Variants in SLC26A6 observed in about 807,000 individuals in gnomAD.
SLC26A6 encodes the protein anion exchange transporter.
Under a neutral mutation model 87.1 loss-of-function variants are expected in SLC26A6, and 67 were observed. That is an observed-to-expected ratio of 0.77 (90% CI 0.63 to 0.94). SLC26A6 has a LOEUF of 0.94. Ranked by LOEUF, SLC26A6 falls within the 40% of genes least tolerant of loss-of-function variation. SLC26A6 has a pLI of 0.00. For missense variants in SLC26A6, 902 were observed against 973.0 expected (o/e 0.93, Z 0.97); for synonymous variants, 414 against 405.9 (o/e 1.02, Z -0.24).
Position 48,626,849 on chromosome 3 carries a change from G to A in SLC26A6, c.2073+27C>T, listed in dbSNP as rs1176109798. ...TTACAGGGTCAGTGTGGAAGCTCGA[G>A]GGGCCTTGGCCTGCCCCCGTCCTTA... On this transcript the variant is annotated intron_variant, in intron 18 of 20. Transcript: ENST00000395550. 3.1e-6 allele frequency: 5 copies of A among 1,608,558 alleles called. No homozygotes were observed. The African/African-American group carries it at 5.4e-5, about 17-fold the overall frequency.
At position 48,626,953 on chromosome 3, in the gene SLC26A6, G is replaced by C; in HGVS notation, c.1996C>G (p.Pro666Ala). Reference sequence around the variant, plus strand: ...TCCAGGATGAGGCTGTGGAAGTCTGGCTGAGGCAGGCCCAGGGCCTTCAGT... The same window carrying C: ...TCCAGGATGAGGCTGTGGAAGTCTGCCTGAGGCAGGCCCAGGGCCTTCAGT... ...STLKALGLPQ[P>A]DFHSLILDLG... is the part of the protein sequence containing the mutation. Residue 666 changes from proline (P) to alanine (A), a missense_variant, in exon 18 of 21, where the codon CCA becomes GCA. Transcript: ENST00000395550. 6.2e-7 allele frequency: 1 copy of C among 1,614,204 alleles called. No individual in the cohort carries two copies. The highest frequency in any genetic ancestry group is 8.5e-7 in the Non-Finnish European group (1 of 1,180,036).
At chr3:48,629,035 A>G (rs568415438) in intron 14 of SLC26A6, among the ~76,000 whole-genome samples, 1 of 152,218 alleles carries the variant, frequency 6.6e-6, no homozygotes, top group East Asian at 1.9e-4. Context: ...CTAGGCTGTC[A>G]TATCAATCAG....
At chr3:48,626,153 G>A (rs2046614357) in intron 20 of SLC26A6, 65 bp downstream of exon 20, 1 of 1,612,170 alleles carries the variant, frequency 6.2e-7, no homozygotes, top group Non-Finnish European at 8.5e-7. Flanking sequence ...CCTGGAGCTG[G>A]GGCCAGGGTG....
At position 48,632,442 on chromosome 3, in the gene SLC26A6, C is replaced by G. The variant is rs1037083555; in HGVS notation, c.434-46G>C. ...AGGTCTGAAGAGGAGAGGACACTGC[C>G]CTGCCCTGGAGCCCTGGTCTTAAGA... On this transcript the variant is annotated intron_variant, in intron 4 of 20. Coordinates refer to ENST00000395550, the MANE Select transcript of SLC26A6 (RefSeq NM_022911.3). 14 of 1,583,096 alleles carry G rather than the reference C, an allele frequency of 8.8e-6. No individual in the cohort carries two copies. In the Middle Eastern group the frequency reaches 1.2e-3, roughly 132 times the overall value.
chr3:48,631,545 C>CA, intron 7 of SLC26A6, 104 bp downstream of exon 7: 1 of 1,461,012 alleles, frequency 6.8e-7, no homozygotes, highest in Non-Finnish European at 9.2e-7. Context: ...AGAACCCTCC[C>CA]AGCCCCCCTC....
chr3:48,626,037 C>G, intron 20 of SLC26A6, 37 bp from the exon 21 acceptor site: 6 of 1,613,606 alleles, frequency 3.7e-6, no homozygotes, highest in Non-Finnish European at 5.1e-6. Context: ...TAGTCAGTTT[C>G]CAAAGGACAC....
intron 19 of SLC26A6, 95 bp from the exon 20 acceptor site, chr3:48,626,449 C>A: frequency 6.4e-7 from 1 of 1,574,240 alleles, no homozygotes. Flanking sequence ...TCACCCCTGA[C>A]CTCCACCCCT....
chr3:48,634,740 G>A (rs946660538), intron 1 of SLC26A6: 6 of 985,414 alleles, frequency 6.1e-6, no homozygotes, highest in Non-Finnish European at 7.2e-6. Flanking sequence ...CCTGGGAAGC[G>A]CCTCTAACCT....
rs781642973 is a variant in SLC26A6 at position 48,630,515 on chromosome 3, C to A, written c.1249G>T (p.Val417Phe). The change falls in exon 11 of 21, where the codon GTT becomes TTT. Residue 417 changes from valine to phenylalanine, a missense_variant and splice_region_variant. Around this residue, in one of 3 missense-constraint regions of SLC26A6, gnomAD observed 800 missense variants for 856.8 expected, o/e 0.93. Transcript: ENST00000395550. The stretch of plus-strand genomic sequence containing the variant: ...AAAAGGGAAGAGATGGCTCCAGCAA[C>A]CTGTTCGGGGAGGGAGTGAGCAGGG... Reference protein sequence around the residue: ...VQESTGGNSQVAGAISSLFIL... With the variant: ...VQESTGGNSQFAGAISSLFIL... The A allele has an allele frequency of 7.7e-6, 12 of 1,560,358 alleles. No homozygotes were observed. The highest frequency in any genetic ancestry group is 1.0e-5 in the Non-Finnish European group (12 of 1,151,914).
rs768193147 is a variant in SLC26A6 at position 48,633,410 on chromosome 3, G to A, written c.183-20C>T. On this transcript the variant is annotated intron_variant, in intron 2 of 20. Transcript: ENST00000395550. Reference sequence around the variant, plus strand: ...GAGCACCTAGGGACATGATATGAGGGGTAGGTGTCAGGAACAGGGGCTACC... The same window carrying A: ...GAGCACCTAGGGACATGATATGAGGAGTAGGTGTCAGGAACAGGGGCTACC... 1.2e-6 allele frequency: 2 copies of A among 1,612,994 alleles called. No individual in the cohort carries two copies. The highest frequency in any genetic ancestry group is 1.3e-5 in the African/African-American group (1 of 75,046).
In SLC26A6 at chr3:48,627,015, T is replaced by C. The variant is rs764763334; in HGVS notation, c.1934A>G (p.Asn645Ser). 5 of 1,613,996 alleles carry C rather than the reference T, an allele frequency of 3.1e-6. No individual in the cohort carries two copies. The highest frequency in any genetic ancestry group is 1.3e-5 in the African/African-American group (1 of 74,920). Residue 645 changes from asparagine (N) to serine (S), a missense_variant, in exon 18 of 21, where the codon AAT becomes AGT. By Grantham distance (46) the Asn-to-Ser change is conservative. Coordinates refer to ENST00000395550, the MANE Select transcript of SLC26A6 (RefSeq NM_022911.3). ...SGDKMEDATA[N>S]GQEDSKAPDG... is the part of the protein sequence containing the mutation. The stretch of plus-strand genomic sequence containing the variant: ...TGGGGCCTTGGAGTCTTCTTGACCA[T>C]TGGCTGTTGCATCTTCCATCTTATC...
intron 2 of SLC26A6, 33 bp downstream of exon 2, chr3:48,633,444 G>A (rs759844383): frequency 9.9e-6 from 16 of 1,612,086 alleles, no homozygotes; most frequent in Admixed American, 1.7e-5. Context: ...CCTGGGCCCC[G>A]CCAGCGCCCC....
At position 48,633,258 on chromosome 3, in the gene SLC26A6, A is replaced by G; in HGVS notation, c.315T>C (p.Leu105=). 1 of 1,613,060 alleles carries G rather than the reference A, an allele frequency of 6.2e-7. No individual in the cohort carries two copies. Among genetic ancestry groups the G allele is most frequent in the Non-Finnish European group, 8.5e-7 (1 of 1,179,846 alleles). Residue 105 remains leucine, a synonymous_variant, in exon 3 of 21, where the codon CTT becomes CTC. Transcript: ENST00000395550. The part of the protein sequence containing the change: ...LSGLSVAIMQ[L]PQGLAYALLA... ...GCACTGAAGGTGGCTCACCCTGCGG[A>G]AGCTGCATGATGGCCACACTCAGGC... is the stretch of plus-strand genomic sequence containing the variant.
chr3:48,629,231 C>CG (rs1226511263), intron 14 of SLC26A6, among the ~76,000 whole-genome samples: 1 of 152,122 alleles, frequency 6.6e-6, no homozygotes, highest in African/African-American at 2.4e-5. Flanking sequence ...TCCAGAGCCC[C>CG]CCACCTATGT....
At position 48,631,706 on chromosome 3, in the gene SLC26A6, C is replaced by T. The variant is rs777514501; in HGVS notation, c.846G>A (p.Leu282=). The T allele has an allele frequency of 1.9e-6, 3 of 1,613,294 alleles. No homozygotes were observed. The highest frequency in any genetic ancestry group is 2.7e-5 in the African/African-American group (2 of 75,042). ...VAGVVLVVVK[L]LNDKLQQQLP... is the part of the protein sequence containing the mutation. ...GCTGCTGCTGCAGCTTGTCATTCAA[C>T]AGCTTCACCACCACGAGCACCACCC... is the stretch of plus-strand genomic sequence containing the variant. Residue 282 remains leucine, a synonymous_variant, in exon 7 of 21, where the codon CTG becomes CTA. Coordinates refer to ENST00000395550, the MANE Select transcript of SLC26A6 (RefSeq NM_022911.3).
intron 1 of SLC26A6, 83 bp downstream of exon 1, chr3:48,635,286 TGC>T: frequency 8.1e-7 from 1 of 1,232,610 alleles, no homozygotes. Flanking sequence ...GGAGAATGCC[TGC>T]TCCAGCGAGG....
chr3:48,629,900 G>A lies in SLC26A6; in HGVS notation c.1501C>T (p.Leu501=). ...TGTGTCCGGACCACCACGAGCAGCAGGGAGAAGATGACCGCAACCACCAAG... is the reference window on the plus strand; with the variant it reads ...TGTGTCCGGACCACCACGAGCAGCAAGGAGAAGATGACCGCAACCACCAAG... ...LGLVVAVIFS[L]LLVVVRTQMP... is the part of the protein sequence containing the mutation. The change falls in exon 13 of 21, where the codon CTG becomes TTG. Residue 501 remains leucine (L), a synonymous_variant. Coordinates refer to ENST00000395550, the MANE Select transcript of SLC26A6 (RefSeq NM_022911.3). 1.2e-6 allele frequency: 2 copies of A among 1,614,158 alleles called. No individual in the cohort carries two copies. Among genetic ancestry groups the A allele is most frequent in the Non-Finnish European group, 8.5e-7 (1 of 1,180,034 alleles).
At chr3:48,635,251 A>G in intron 1 of SLC26A6, 120 bp downstream of exon 1, 1 of 1,343,742 alleles carries the variant, frequency 7.4e-7, no homozygotes, top group Non-Finnish European at 1.0e-6. Context: ...GAAAATCAGC[A>G]GAGGTAAACC....
In SLC26A6 at chr3:48,630,644, C is replaced by T. The variant is rs1488558640; in HGVS notation, c.1211G>A (p.Arg404Gln). 13 of 1,595,056 alleles carry T rather than the reference C, an allele frequency of 8.2e-6. No homozygotes were observed. Among genetic ancestry groups the T allele is most frequent in the African/African-American group, 1.3e-5 (1 of 74,550 alleles). ...CCCGGTGCTCTCCTGTACCAGGCTC[C>T]GAGACATAGAGCAACTCACGGGGAA... The part of the protein sequence containing the change: ...QCFPVSCSMS[R>Q]SLVQESTGGN... The change falls in exon 10 of 21, where the codon CGG becomes CAG. Residue 404 changes from arginine to glutamine, a missense_variant. Arg to Gln is a conservative substitution (Grantham distance 43). Coordinates refer to ENST00000395550, the MANE Select transcript of SLC26A6 (RefSeq NM_022911.3).
Sources: allele counts gnomAD v4.1 joint callset (sites outside exome capture counted in the v4.1 genomes callset), GRCh38; gene constraint gnomAD v4.1.1; regional missense constraint gnomAD v4.1.1; transcripts MANE v1.5; gene names NCBI Gene and HGNC (gene_info 2026-07-23, HGNC 2026-07-21).